The following FRMD6 variants were observed in gnomAD, a reference collection of about 807,000 sequenced individuals.
The protein encoded by FRMD6 is FERM domain containing 6, also known as FERM domain-containing protein 6.
A neutral mutation model predicts 73.2 loss-of-function variants in FRMD6; 37 were observed. That is an observed-to-expected ratio of 0.51 (90% CI 0.39 to 0.66). The LOEUF (loss-of-function observed/expected upper bound fraction) is 0.66. Among genes scored for constraint, FRMD6 ranks in the 30% least tolerant of loss-of-function variants. The probability of loss-of-function intolerance (pLI) is 0.00; values close to 1 mark genes in which losing one functional copy is unlikely to be tolerated. For synonymous variants in FRMD6, 273 were observed against 282.2 expected (o/e 0.97, Z 0.33); for missense variants, 714 against 780.5 (o/e 0.91, Z 1.02).
intron 1 of FRMD6, among the ~76,000 whole-genome samples, chr14:51,687,967 A>G (rs573055129): frequency 7.2e-5 from 11 of 152,320 alleles, no homozygotes; most frequent in Non-Finnish European, 1.6e-4. Context: ...AGAAATACCT[A>G]GCTCTGACCC....
At chr14:51,492,869 T>C (rs1883096938) in intron 1 of FRMD6, among the ~76,000 whole-genome samples, 1 of 152,172 alleles carries the variant, frequency 6.6e-6, no homozygotes, top group Non-Finnish European at 1.5e-5. Context: ...GGCATGTAAA[T>C]GGGGGTTGTA....
intron 1 of FRMD6, among the ~76,000 whole-genome samples, chr14:51,545,255 T>C (rs1476997336): frequency 1.3e-5 from 2 of 152,068 alleles, no homozygotes; most frequent in Non-Finnish European, 2.9e-5. Flanking sequence ...ATACAGAACA[T>C]TGAAGCACTC....
the FRMD6 span, among the ~76,000 whole-genome samples, chr14:51,399,933 TG>T: frequency 5.3e-5 from 8 of 151,628 alleles, no homozygotes; most frequent in African/African-American, 4.9e-5. Context: ...CAGAGAATGT[TG>T]TTTTTTTTTT....
chr14:51,645,058 TAAG>T (rs1892002857), intron 2 of FRMD6, among the ~76,000 whole-genome samples: 2 of 152,218 alleles, frequency 1.3e-5, no homozygotes, highest in South Asian at 4.1e-4. Context: ...AACTGAAGTA[TAAG>T]AAGTCTGTTT....
intron 1 of FRMD6, among the ~76,000 whole-genome samples, chr14:51,524,148 G>A (rs1351605126): frequency 6.6e-6 from 1 of 152,102 alleles, no homozygotes; most frequent in Non-Finnish European, 1.5e-5. Context: ...TTAAGAATCT[G>A]GACCCTGAAT....
At chr14:51,725,915 A>G (rs376648867) in intron 13 of FRMD6, 45 bp downstream of exon 13, 43 of 1,424,598 alleles carry the variant, frequency 3.0e-5, no homozygotes, top group Non-Finnish European at 1.9e-5. Flanking sequence ...CTGAAGTTAT[A>G]GAAAATTTTA....
chr14:51,469,618 GAAAAAAA>G, the FRMD6 span, among the ~76,000 whole-genome samples: 7 of 96,764 alleles, frequency 7.2e-5, no homozygotes, highest in African/African-American at 7.6e-5. Context: ...ATTTCAAAAA[GAAAAAAA>G]AAAAAAAAAA....
chr14:51,430,485 G>A, the FRMD6 span, among the ~76,000 whole-genome samples: 1 of 151,988 alleles, frequency 6.6e-6, no homozygotes, highest in Non-Finnish European at 1.5e-5. Flanking sequence ...ACGCAAATTG[G>A]AGTTGTTTTT....
chr14:51,517,026 T>C (rs1884673003), intron 1 of FRMD6, among the ~76,000 whole-genome samples: 1 of 152,236 alleles, frequency 6.6e-6, no homozygotes, highest in African/African-American at 2.4e-5. Flanking sequence ...GTAATGTCAT[T>C]TTCAATTCCC....
At chr14:51,495,818 T>C (rs533554814) in intron 1 of FRMD6, among the ~76,000 whole-genome samples, 4 of 152,296 alleles carry the variant, frequency 2.6e-5, no homozygotes, top group East Asian at 3.9e-4. Context: ...GAAGAAGCCA[T>C]GATAAACAGA....
the FRMD6 span, chr14:51,454,372 A>G: frequency 6.6e-6 from 1 of 152,234 alleles, no homozygotes; most frequent in Non-Finnish European, 1.5e-5. Context: ...TGTCAACCAC[A>G]GTTAACATTT....
In FRMD6 at chr14:51,717,440, C is replaced by G. The variant is rs560405797; in HGVS notation, c.1024+1941C>G. The G allele has an allele frequency of 2.6e-5, 4 of 152,254 alleles. No homozygotes were observed. The East Asian group carries it at 7.7e-4, about 29-fold the overall frequency. 9.4% of individuals were successfully genotyped at this position (152,254 alleles called of 1,614,324 possible). On this transcript the variant is annotated intron_variant, in intron 10 of 13. Coordinates refer to ENST00000344768, the MANE Select transcript of FRMD6 (RefSeq NM_001267046.2). ...CTAACCCATTCATGAAAGCAGAGCT[C>G]TCATGATCTAATCATCTCTTTAAAC...
At chr14:51,578,061 A>G (rs1042290607) in intron 2 of FRMD6, among the ~76,000 whole-genome samples, 5 of 152,188 alleles carry the variant, frequency 3.3e-5, no homozygotes, top group African/African-American at 1.2e-4. Context: ...AGCAGAAGCC[A>G]TCGTTGCTGT....
At chr14:51,448,175 T>C in the FRMD6 span, among the ~76,000 whole-genome samples, 2 of 152,266 alleles carry the variant, frequency 1.3e-5, no homozygotes, top group African/African-American at 4.8e-5. Flanking sequence ...TCAGTTATTA[T>C]CTCTTTGAAT....
chr14:51,617,254 G>T (rs1318706972), intron 2 of FRMD6, among the ~76,000 whole-genome samples: 1 of 152,096 alleles, frequency 6.6e-6, no homozygotes, highest in Non-Finnish European at 1.5e-5. Flanking sequence ...GTATATGATA[G>T]CCTGGCAAAA....
Position 51,729,704 on chromosome 14 carries a change from T to A in FRMD6, c.*1675T>A, listed in dbSNP as rs1898162109. On this transcript the variant is annotated 3_prime_UTR_variant, in exon 14 of 14. Coordinates refer to ENST00000344768, the MANE Select transcript of FRMD6 (RefSeq NM_001267046.2). ...AGTGGAACATAAGCAGTGTTACCCCTGGCTGGGAGTCAGTATTATACAACA... is the reference window on the plus strand; with the variant it reads ...AGTGGAACATAAGCAGTGTTACCCCAGGCTGGGAGTCAGTATTATACAACA... The A allele has an allele frequency of 6.6e-6, 1 of 152,632 alleles. No individual in the cohort carries two copies. Among genetic ancestry groups the A allele is most frequent in the Admixed American group, 6.5e-5 (1 of 15,270 alleles). The allele number at this position is 152,632 out of a possible 1,614,324, so 9.5% of individuals were successfully genotyped here.
rs561129155 is a variant in FRMD6, at chr14:51,496,118, G to C, written c.-210+6698G>C. ...CTCACACTCTTGGATCACTCACTCT[G>C]AGGAATCCAGCTGCAAGTTGAAAGC... is the stretch of plus-strand genomic sequence containing the variant. On this transcript the variant is annotated intron_variant, in intron 1 of 14. Transcript: ENST00000356218. Among the ~76,000 whole-genome samples, 340 of 152,272 alleles carry C rather than the reference G, an allele frequency of 2.2e-3. 1 individual carries two copies. The highest frequency in any genetic ancestry group is 3.5e-3 in the Admixed American group (54 of 15,290).
rs1436725721 is a variant in FRMD6 at position 51,712,532 on chromosome 14, T to C, written c.830T>C (p.Val277Ala). The C allele has an allele frequency of 6.2e-7, 1 of 1,601,138 alleles. No individual in the cohort carries two copies. The highest frequency in any genetic ancestry group is 8.6e-7 in the Non-Finnish European group (1 of 1,168,942). ...CTTTATGATTTCCCCTGGACAAATG[T>C]TGGAAAATTGGTGTTTGTGGTAAGT... is the stretch of plus-strand genomic sequence containing the variant. ...QLLYDFPWTN[V>A]GKLVFVGKKF... The change falls in exon 9 of 14, where the codon GTT becomes GCT. Residue 277 changes from valine to alanine, a missense_variant. Physicochemically the swap from Val to Ala is moderately conservative, Grantham distance 64. Coordinates refer to ENST00000344768, the MANE Select transcript of FRMD6 (RefSeq NM_001267046.2).
the FRMD6 span, among the ~76,000 whole-genome samples, chr14:51,449,244 G>A: frequency 3.3e-5 from 5 of 152,200 alleles, no homozygotes; most frequent in African/African-American, 1.2e-4. Flanking sequence ...ATAGTGGGAA[G>A]GCCAAGCTCT....
Sources: gnomAD v4.1 joint callset for allele counts (sites outside exome capture counted in the v4.1 genomes callset) on GRCh38, gnomAD v4.1.1 for gene constraint, MANE v1.5 for transcripts, NCBI Gene and HGNC (gene_info 2026-07-23, HGNC 2026-07-21) for gene names.